The following COL3A1 variants were observed in gnomAD, a reference collection of about 807,000 sequenced individuals.
COL3A1 encodes the protein collagen alpha-1(III) chain.
Under a neutral mutation model 200.9 loss-of-function variants are expected in COL3A1, and 46 were observed. The observed-to-expected ratio is 0.23, with a 90% CI of 0.18 to 0.29. The LOEUF (loss-of-function observed/expected upper bound fraction) is 0.29. Among genes scored for constraint, COL3A1 ranks in the 10% least tolerant of loss-of-function variants. COL3A1 has a pLI of 1.00. For missense variants in COL3A1, 1,367 were observed against 1,917.6 expected (o/e 0.71, Z 5.36); for synonymous variants, 650 against 628.0 (o/e 1.03, Z -0.52).
Position 188,974,624 on chromosome 2 carries a change from A to T in COL3A1, c.79+56A>T, listed in dbSNP as rs1052875548. The T allele has an allele frequency of 5.0e-6, 7 of 1,401,814 alleles. No homozygotes were observed. In the Admixed American group the frequency reaches 1.2e-4, roughly 23 times the overall value. 86.8% of individuals were successfully genotyped at this position (1,401,814 alleles called of 1,614,324 possible). A position where few individuals can be genotyped will look rare whatever the true frequency, so the allele number is the denominator to read the frequency against. On this transcript the variant is annotated intron_variant, in intron 1 of 50. Transcript: ENST00000304636. The stretch of plus-strand genomic sequence containing the variant: ...TGGGATTTTTGTCTTTCTTCTCCTC[A>T]CAAAGAGGGGTGTAAAGGGGAAAAT...
rs554397140 is a variant in COL3A1 at position 188,982,728 on chromosome 2, G to T, written c.80-2032G>T. On this transcript the variant is annotated intron_variant, in intron 1 of 50. Transcript: ENST00000304636. ...ACACATTATTAATGGGAAAATCTTG[G>T]GCTGAAACTAATCTGTAGGAATATT... is the stretch of plus-strand genomic sequence containing the variant. Among the ~76,000 whole-genome samples, 14 of 151,812 alleles carry T rather than the reference G, an allele frequency of 9.2e-5. No homozygotes were observed. In the East Asian group the frequency reaches 1.7e-3, roughly 19 times the overall value.
intron 49 of COL3A1, 114 bp from the exon 50 acceptor site, chr2:189,010,534 T>C: frequency 6.6e-7 from 1 of 1,507,820 alleles, no homozygotes; most frequent in Non-Finnish European, 9.2e-7. Context: ...AAAATACTCG[T>C]ACATAAAATA....
Position 189,001,558 on chromosome 2 carries a change from T to A in COL3A1, c.2360T>A (p.Leu787His). The A allele has an allele frequency of 6.2e-7, 1 of 1,614,118 alleles. No individual in the cohort carries two copies. Among genetic ancestry groups the A allele is most frequent in the South Asian group, 1.1e-5 (1 of 91,074 alleles). Residue 787 changes from leucine to histidine, a missense_variant, in exon 34 of 51, where the codon CTT (leucine) becomes CAT (histidine). Leu to His is a moderately conservative substitution (Grantham distance 99). Around this residue, in one of 5 missense-constraint regions of COL3A1, gnomAD observed 846 missense variants for 1,147.9 expected, o/e 0.74. Coordinates refer to ENST00000304636, the MANE Select transcript of COL3A1 (RefSeq NM_000090.4). ...CAGGGTGAAGGTGGTGCCCCCGGAC[T>A]TCCAGGTATAGCTGGACCTCGTGGT... Reference protein sequence around the residue: ...GDKGEGGAPGLPGIAGPRGSP... With the variant: ...GDKGEGGAPGHPGIAGPRGSP...
intron 27 of COL3A1, among the ~76,000 whole-genome samples, chr2:188,997,962 A>G (rs1688367253): frequency 6.6e-6 from 1 of 152,258 alleles, no homozygotes; most frequent in South Asian, 2.1e-4. Flanking sequence ...TGAAACTCAA[A>G]TAATTCTATT....
At position 189,006,481 on chromosome 2, in the gene COL3A1, G is replaced by C. The variant is rs754639358; in HGVS notation, c.3201+29G>C. ...AGTTCCCAAAAGCAGCATCTGTCTT[G>C]TTTGTCTATTTCCTTCAATAAAGAC... On this transcript the variant is annotated intron_variant, in intron 43 of 50. Transcript: ENST00000304636. 3.7e-6 allele frequency: 6 copies of C among 1,603,030 alleles called. No homozygotes were observed. The South Asian group carries it at 6.6e-5, about 18-fold the overall frequency.
chr2:189,008,787 A>C, intron 47 of COL3A1, 137 bp from the exon 48 acceptor site: 1 of 981,706 alleles, frequency 1.0e-6, no homozygotes, highest in African/African-American at 1.6e-5. Flanking sequence ...AAAGGCACCC[A>C]AATAAATCTT....
At chr2:189,007,813 C>T (rs1688628347) in intron 45 of COL3A1, 72 bp from the exon 46 acceptor site, 5 of 1,547,696 alleles carry the variant, frequency 3.2e-6, no homozygotes, top group Non-Finnish European at 4.5e-6. Context: ...GTTTCTTGAT[C>T]TGATCTTGAA....
intron 29 of COL3A1, 126 bp downstream of exon 29, chr2:188,998,844 A>G: frequency 1.1e-6 from 1 of 906,472 alleles, no homozygotes. Context: ...ATGTTTGGTA[A>G]GTACACTTAG....
At position 189,010,251 on chromosome 2, in the gene COL3A1, G is replaced by A. The variant is rs958757510; in HGVS notation, c.3897G>A (p.Gly1299=). 6.2e-6 allele frequency: 10 copies of A among 1,614,146 alleles called. No individual in the cohort carries two copies. Among genetic ancestry groups the A allele is most frequent in the East Asian group, 2.2e-5 (1 of 44,872 alleles). ...AIKVFCNMET[G]ETCISANPLN... The stretch of plus-strand genomic sequence containing the variant: ...AGGTATTCTGTAATATGGAAACTGG[G>A]GAAACATGCATAAGTGCCAATCCTT... The change falls in exon 49 of 51, where the codon GGG becomes GGA. Residue 1299 remains glycine, a synonymous_variant. Transcript: ENST00000304636.
rs1032019606 is a variant in COL3A1 at position 188,997,150 on chromosome 2, C to A, written c.1762-15C>A. The stretch of plus-strand genomic sequence containing the variant: ...CCCTTTGAGGATTAGTAAATACCGA[C>A]CACTTCTTCTTTAGGGTGCTCCTGG... On this transcript the variant is annotated splice_polypyrimidine_tract_variant and intron_variant, in intron 24 of 50. Transcript: ENST00000304636. 1 of 1,612,722 alleles carries A rather than the reference C, an allele frequency of 6.2e-7. No homozygotes were observed. Among genetic ancestry groups the A allele is most frequent in the African/African-American group, 1.3e-5 (1 of 74,484 alleles).
chr2:189,008,586 A>G, intron 47 of COL3A1: 1 of 427,094 alleles, frequency 2.3e-6, no homozygotes, highest in Non-Finnish European at 4.2e-6. Flanking sequence ...CAATTATCCC[A>G]ACAAATTACA....
chr2:188,996,330 A>C, intron 23 of COL3A1, 68 bp from the exon 24 acceptor site: 1 of 1,162,436 alleles, frequency 8.6e-7, no homozygotes, highest in Non-Finnish European at 1.3e-6. Flanking sequence ...ACACACACAT[A>C]CTATATATAT....
At position 189,011,683 on chromosome 2, in the gene COL3A1, T is replaced by C; in HGVS notation, c.4310T>C (p.Val1437Ala). The change falls in exon 51 of 51, where the codon GTG (valine) becomes GCG (alanine). Residue 1437 changes from valine (V) to alanine (A), a missense_variant. Val to Ala is a moderately conservative substitution (Grantham distance 64, BLOSUM62 0). This residue lies in a region of COL3A1 where 846 missense variants were observed against 1,147.9 expected (regional missense o/e 0.74). Coordinates refer to ENST00000304636, the MANE Select transcript of COL3A1 (RefSeq NM_000090.4). ...TTTGAATATCGAACACGCAAGGCTG[T>C]GAGACTACCTATTGTAGATATTGCA... ...TVFEYRTRKA[V>A]RLPIVDIAPY... 6.2e-7 allele frequency: 1 copy of C among 1,613,918 alleles called. No homozygotes were observed. Among genetic ancestry groups the C allele is most frequent in the Non-Finnish European group, 8.5e-7 (1 of 1,179,782 alleles).
At chr2:188,998,850 C>T in intron 29 of COL3A1, 132 bp downstream of exon 29, 2 of 852,404 alleles carry the variant, frequency 2.3e-6, no homozygotes, top group Admixed American at 2.0e-5. Flanking sequence ...GGTAAGTACA[C>T]TTAGAGAAAC....
At chr2:188,986,007 G>A (rs1688058166) in intron 4 of COL3A1, among the ~76,000 whole-genome samples, 3 of 151,596 alleles carry the variant, frequency 2.0e-5, no homozygotes. Context: ...TATATCCTTG[G>A]AAAATTTGCT....
At chr2:188,986,977 T>A (rs1688076238) in intron 4 of COL3A1, 82 bp from the exon 5 acceptor site, 2 of 1,186,522 alleles carry the variant, frequency 1.7e-6, no homozygotes, top group Non-Finnish European at 2.5e-6. Flanking sequence ...ACAGTAGATG[T>A]TGCATGCACT....
intron 5 of COL3A1, 91 bp from the exon 6 acceptor site, chr2:188,987,989 GT>G: frequency 1.0e-6 from 1 of 966,284 alleles, no homozygotes; most frequent in Non-Finnish European, 1.7e-6. Context: ...GTTGTTCATA[GT>G]TTTAACAATG....
chr2:188,992,856 G>T, intron 14 of COL3A1, 31 bp from the exon 15 acceptor site: 1 of 1,601,634 alleles, frequency 6.2e-7, no homozygotes, highest in South Asian at 1.1e-5. Flanking sequence ...AGTTGAAAAA[G>T]AGCTCTTGAA....
rs1688026257 is a variant in COL3A1, at chr2:188,984,689, C to T, written c.80-71C>T. On this transcript the variant is annotated intron_variant, in intron 1 of 50. Coordinates refer to ENST00000304636, the MANE Select transcript of COL3A1 (RefSeq NM_000090.4). ...TCAACTTTGGCTATTGTTAATAGTC[C>T]TAACAGAGTAACAAAAATCACCTTT... 2.9e-6 allele frequency: 4 copies of T among 1,375,626 alleles called. No individual in the cohort carries two copies. In the East Asian group the frequency reaches 9.1e-5, roughly 31 times the overall value. 85.2% of individuals were successfully genotyped at this position (1,375,626 alleles called of 1,614,324 possible).
Sources: allele counts gnomAD v4.1 joint callset (sites outside exome capture counted in the v4.1 genomes callset), GRCh38; gene constraint gnomAD v4.1.1; regional missense constraint gnomAD v4.1.1; transcripts MANE v1.5; gene names NCBI Gene and HGNC (gene_info 2026-07-23, HGNC 2026-07-21).